The following TSNARE1 variants were observed in gnomAD, a reference collection of about 807,000 sequenced individuals.
TSNARE1 encodes t-SNARE domain containing 1.
In TSNARE1, 49 loss-of-function variants were observed where a neutral mutation model predicts 62.0. That is an observed-to-expected ratio of 0.79 (90% CI 0.63 to 1.00). The LOEUF (loss-of-function observed/expected upper bound fraction) is 1.00, where lower values mean the gene tolerates loss of function less well. Among genes scored for constraint, TSNARE1 ranks in the 50% least tolerant of loss-of-function variants. The probability of loss-of-function intolerance (pLI) is 0.00; values close to 1 mark genes in which losing one functional copy is unlikely to be tolerated. For missense variants in TSNARE1, 755 were observed against 700.1 expected (o/e 1.08, Z -0.88); for synonymous variants, 328 against 294.4 (o/e 1.11, Z -1.17).
chr8:142,312,382 T>C (rs1033396170), intron 9 of TSNARE1, among the ~76,000 whole-genome samples: 2 of 152,202 alleles, frequency 1.3e-5, no homozygotes, highest in African/African-American at 2.4e-5. Flanking sequence ...CCAAACACTG[T>C]ATGAAAAATT....
intron 10 of TSNARE1, among the ~76,000 whole-genome samples, chr8:142,296,545 G>A (rs778073055): frequency 7.9e-5 from 12 of 151,902 alleles, no homozygotes; most frequent in Non-Finnish European, 1.8e-4. Context: ...CTGGCAAGTC[G>A]CTGTGGAGCC....
chr8:142,363,497 C>T (rs914691169), intron 1 of TSNARE1, among the ~76,000 whole-genome samples: 5 of 152,172 alleles, frequency 3.3e-5, no homozygotes, highest in African/African-American at 4.8e-5. Flanking sequence ...CTAGGCCACC[C>T]GGGGCTTCTC....
chr8:142,231,425 G>A (rs1817110593), intron 12 of TSNARE1, among the ~76,000 whole-genome samples: 1 of 152,104 alleles, frequency 6.6e-6, no homozygotes, highest in Admixed American at 6.5e-5. Flanking sequence ...TTGGGGGGTG[G>A]CCAGAAGGGG....
chr8:142,276,790 C>A, intron 11 of TSNARE1: 1 of 985,416 alleles, frequency 1.0e-6, no homozygotes, highest in Non-Finnish European at 1.2e-6. Flanking sequence ...TGCTCCAGGG[C>A]TGCATGCACC....
intron 9 of TSNARE1, among the ~76,000 whole-genome samples, chr8:142,311,497 A>G (rs1827619317): frequency 2.0e-5 from 3 of 151,214 alleles, no homozygotes; most frequent in Admixed American, 1.3e-4. Flanking sequence ...GGGTTTCTCC[A>G]TGTTGGTCAG....
chr8:142,237,075 CG>C (rs11326517), intron 12 of TSNARE1, among the ~76,000 whole-genome samples: 152,020 of 152,042 alleles, frequency 1, 75,999 homozygotes, highest in Middle Eastern at 1. Flanking sequence ...TCCAGAACGG[CG>C]GGGTGGGCGG....
chr8:142,281,849 T>C (rs1051933262), intron 11 of TSNARE1, among the ~76,000 whole-genome samples: 1 of 152,020 alleles, frequency 6.6e-6, no homozygotes, highest in African/African-American at 2.4e-5. Context: ...GAACGGAGCC[T>C]CCAGCCTCCC....
At chr8:142,277,921 C>T (rs1020658276) in intron 11 of TSNARE1, 2 of 975,882 alleles carry the variant, frequency 2.0e-6, no homozygotes, top group South Asian at 4.7e-5. Context: ...CTCAGCCCCA[C>T]ACCACATGTC....
chr8:142,322,519 G>A (rs1442347036), intron 6 of TSNARE1, among the ~76,000 whole-genome samples: 1 of 152,196 alleles, frequency 6.6e-6, no homozygotes, highest in African/African-American at 2.4e-5. Context: ...AAAATCCCAA[G>A]GAATCCACAA....
At chr8:142,235,343 G>A (rs1465598679) in intron 12 of TSNARE1, among the ~76,000 whole-genome samples, 4 of 151,980 alleles carry the variant, frequency 2.6e-5, no homozygotes, top group Non-Finnish European at 5.9e-5. Context: ...GCCCTCGTCG[G>A]GCCATGAGGC....
intron 1 of TSNARE1, among the ~76,000 whole-genome samples, chr8:142,402,535 T>G (rs1388226876): frequency 6.6e-6 from 1 of 152,170 alleles, no homozygotes; most frequent in Non-Finnish European, 1.5e-5. Context: ...CAACATCACC[T>G]GAAAGTCCCT....
intron 4 of TSNARE1, among the ~76,000 whole-genome samples, chr8:142,340,968 A>G (rs1036350664): frequency 1.3e-5 from 2 of 152,256 alleles, no homozygotes; most frequent in African/African-American, 4.8e-5. Context: ...TAAGTTCTTA[A>G]TACACTTTAG....
intron 12 of TSNARE1, chr8:142,274,359 G>A (rs1017886236): frequency 4.1e-6 from 4 of 985,426 alleles, no homozygotes; most frequent in Non-Finnish European, 4.8e-6. Context: ...ATAAAGGCCT[G>A]AGCTTTCTTG....
At chr8:142,222,491 TCCAC>T (rs1816375763) in intron 13 of TSNARE1, among the ~76,000 whole-genome samples, 3 of 10,228 alleles carry the variant, frequency 2.9e-4, no homozygotes, top group Non-Finnish European at 5.1e-4. Context: ...CACTCACTCA[TCCAC>T]TCACTCATCC....
At position 142,289,007 on chromosome 8, in the gene TSNARE1, C is replaced by T. The variant is rs550368455; in HGVS notation, c.1291-4522G>A. 8.5e-5 allele frequency among the ~76,000 whole-genome samples: 13 copies of T among 152,304 alleles called. No individual in the cohort carries two copies. In the East Asian group the frequency reaches 2.1e-3, roughly 25 times the overall value. ...CACTCCCTGACCTCTTTCGAGCGAA[C>T]GCAGCATTTGTGTGAAGCCTGCTCT... On this transcript the variant is annotated intron_variant, in intron 10 of 13. Transcript: ENST00000524325.
intron 13 of TSNARE1, among the ~76,000 whole-genome samples, chr8:142,221,180 C>T (rs1024407957): frequency 2.6e-5 from 4 of 152,184 alleles, no homozygotes; most frequent in East Asian, 1.9e-4. Flanking sequence ...TTCTTTGTGG[C>T]GCTGTGGCGA....
chr8:142,284,227 G>A (rs1822298530), intron 11 of TSNARE1, among the ~76,000 whole-genome samples, 186 bp downstream of exon 11: 1 of 152,246 alleles, frequency 6.6e-6, no homozygotes. Context: ...GTGGCAACGA[G>A]CGGAGCAGGG....
At chr8:142,214,008 G>T (rs1815704356) in intron 13 of TSNARE1, among the ~76,000 whole-genome samples, 2 of 152,212 alleles carry the variant, frequency 1.3e-5, no homozygotes, top group Non-Finnish European at 2.9e-5. Flanking sequence ...CAAAATGCCA[G>T]TCCCTGGAGA....
At chr8:142,293,724 C>T (rs544794698) in intron 10 of TSNARE1, among the ~76,000 whole-genome samples, 1 of 152,206 alleles carries the variant, frequency 6.6e-6, no homozygotes, top group East Asian at 1.9e-4. Flanking sequence ...CACCTCGGAT[C>T]GAGGGTCATC....
Sources: gnomAD v4.1 joint callset for allele counts (sites outside exome capture counted in the v4.1 genomes callset) on GRCh38, gnomAD v4.1.1 for gene constraint, MANE v1.5 for transcripts, NCBI Gene and HGNC (gene_info 2026-07-23, HGNC 2026-07-21) for gene names.